PTGER4: variants seen among roughly 807,000 people sequenced by gnomAD.
The protein encoded by PTGER4 is prostaglandin E2 receptor EP4 subtype.
A neutral mutation model predicts 33.2 loss-of-function variants in PTGER4; 11 were observed. The ratio of observed to expected loss-of-function variants is 0.33; its 90% CI spans 0.21 to 0.55. PTGER4 has a LOEUF of 0.55. Among genes scored for constraint, PTGER4 ranks in the 20% least tolerant of loss-of-function variants. PTGER4 has a pLI of 0.92. For synonymous variants in PTGER4, 275 were observed against 281.5 expected, an observed-to-expected ratio of 0.98 and a Z score of 0.23; for missense variants, 481 against 650.2, an observed-to-expected ratio of 0.74 and a Z score of 2.83.
rs544146443 is a variant in PTGER4 at position 40,681,572 on chromosome 5, C to T, written c.579C>T (p.Ser193=). 9.3e-6 allele frequency: 15 copies of T among 1,610,758 alleles called. No individual in the cohort carries two copies. In the East Asian group the frequency reaches 1.6e-4, roughly 17 times the overall value. The change falls in exon 2 of 3, where the codon TCC becomes TCT. Residue 193 remains serine (S), a synonymous_variant. Coordinates refer to ENST00000302472, the MANE Select transcript of PTGER4 (RefSeq NM_000958.3). This position sits in a 1 kb window ranked among gnomAD's most constrained non-coding sequence, Gnocchi z 9.8. ...AYSYMYAGFS[S]FLILATVLCN... is the part of the protein sequence containing the mutation. ...CCTACATGTACGCGGGCTTCAGCTC[C>T]TTCCTCATTCTCGCCACCGTCCTCT...
the PTGER4 span, among the ~76,000 whole-genome samples, chr5:40,741,328 A>C: frequency 6.6e-6 from 1 of 152,200 alleles, no homozygotes; most frequent in Non-Finnish European, 1.5e-5. Context: ...CTGTGACTCC[A>C]GTAAATATTT....
At chr5:40,731,650 A>G in the PTGER4 span, among the ~76,000 whole-genome samples, 1 of 152,228 alleles carries the variant, frequency 6.6e-6, no homozygotes. Flanking sequence ...AACTGCCGCC[A>G]TAATTCAATT....
the PTGER4 span, chr5:40,715,651 A>G: frequency 6.6e-6 from 1 of 152,532 alleles, no homozygotes; most frequent in Non-Finnish European, 1.5e-5. Context: ...CCAAATGACA[A>G]CTTTGAATCA....
chr5:40,687,450 C>G (rs1313916495), intron 2 of PTGER4, among the ~76,000 whole-genome samples: 3 of 152,148 alleles, frequency 2.0e-5, no homozygotes, highest in African/African-American at 7.2e-5. Context: ...GCCTGTTGGA[C>G]AAGAATTCCG....
At chr5:40,726,151 A>G in the PTGER4 span, among the ~76,000 whole-genome samples, 1 of 108,186 alleles carries the variant, frequency 9.2e-6, no homozygotes, top group Non-Finnish European at 2.1e-5. Flanking sequence ...TTTTATATAT[A>G]TATATATATA....
chr5:40,689,979 T>G (rs376833916), intron 2 of PTGER4, among the ~76,000 whole-genome samples: 11 of 152,192 alleles, frequency 7.2e-5, no homozygotes, highest in East Asian at 3.8e-4. Context: ...CAGATGAGAT[T>G]TTTATATAAA....
chr5:40,712,644 G>A, the PTGER4 span, among the ~76,000 whole-genome samples: 2 of 152,190 alleles, frequency 1.3e-5, no homozygotes, highest in East Asian at 3.8e-4. Context: ...GCTGGCAAGA[G>A]ACCACAACAT....
chr5:40,688,303 CAG>C (rs1741379261), intron 2 of PTGER4, among the ~76,000 whole-genome samples: 1 of 152,098 alleles, frequency 6.6e-6, no homozygotes, highest in African/African-American at 2.4e-5. Context: ...GAGGTAGTAT[CAG>C]AAACTCTCAA....
chr5:40,740,383 G>A, the PTGER4 span, among the ~76,000 whole-genome samples: 1 of 151,598 alleles, frequency 6.6e-6, no homozygotes, highest in Non-Finnish European at 1.5e-5. Context: ...AAGTTATTTT[G>A]CCTTCATTTC....
At chr5:40,739,570 C>T in the PTGER4 span, among the ~76,000 whole-genome samples, 2 of 152,120 alleles carry the variant, frequency 1.3e-5, no homozygotes, top group Admixed American at 1.3e-4. Context: ...CACTCCCACT[C>T]CCCACACTCT....
the PTGER4 span, among the ~76,000 whole-genome samples, chr5:40,710,964 T>C: frequency 6.6e-6 from 1 of 152,044 alleles, no homozygotes; most frequent in South Asian, 2.1e-4. Flanking sequence ...CATTAGGAGA[T>C]ATACCTAATG....
the PTGER4 span, among the ~76,000 whole-genome samples, chr5:40,710,475 G>C: frequency 2.6e-5 from 4 of 152,190 alleles, no homozygotes; most frequent in Admixed American, 2.6e-4. Context: ...TTACACTGTT[G>C]GTGGGACTGT....
chr5:40,745,640 C>T, the PTGER4 span, among the ~76,000 whole-genome samples: 1 of 151,562 alleles, frequency 6.6e-6, no homozygotes, highest in Non-Finnish European at 1.5e-5. Flanking sequence ...CTTCCTGCCT[C>T]GGCCTCTCAA....
chr5:40,691,267 C>T lies in PTGER4; in HGVS notation c.868-512C>T, dbSNP rs1361677915. ...TGGGATCTCAGCTCACTGCAACCTC[C>T]GCCTCCCAGGTTCAAATGATTCTCC... On this transcript the variant is annotated intron_variant, in intron 2 of 2. Coordinates refer to ENST00000302472, the MANE Select transcript of PTGER4 (RefSeq NM_000958.3). This position sits in a 1 kb window ranked among gnomAD's most constrained non-coding sequence, Gnocchi z 4.2. Among the ~76,000 whole-genome samples, 1 of 152,208 alleles carries T rather than the reference C, an allele frequency of 6.6e-6. No homozygotes were observed. Among genetic ancestry groups the T allele is most frequent in the Non-Finnish European group, 1.5e-5 (1 of 68,034 alleles).
chr5:40,719,587 G>A, the PTGER4 span, among the ~76,000 whole-genome samples: 1 of 152,132 alleles, frequency 6.6e-6, no homozygotes, highest in East Asian at 1.9e-4. Flanking sequence ...TTTGTCATAT[G>A]ATAACTATAT....
downstream of PTGER4, chr5:40,696,637 C>T: frequency 1.0e-6 from 1 of 973,784 alleles, no homozygotes; most frequent in Non-Finnish European, 1.2e-6. Flanking sequence ...TTATCCATTC[C>T]CTTTACCTTG....
At chr5:40,716,627 C>A in the PTGER4 span, 1 of 632,492 alleles carries the variant, frequency 1.6e-6, no homozygotes, top group Non-Finnish European at 2.6e-6. Context: ...TGTACTAGAA[C>A]ACAAAAGATG....
chr5:40,716,919 T>C, the PTGER4 span, among the ~76,000 whole-genome samples: 2 of 152,278 alleles, frequency 1.3e-5, no homozygotes, highest in Admixed American at 6.5e-5. Flanking sequence ...TTTACTACAT[T>C]CTAGGCACTA....
the PTGER4 span, among the ~76,000 whole-genome samples, chr5:40,740,290 T>A: frequency 2.0e-5 from 3 of 151,642 alleles, no homozygotes; most frequent in African/African-American, 4.9e-5. Flanking sequence ...ATGATTTTCC[T>A]TCTATGTAAA....
Sources: allele counts gnomAD v4.1 joint callset (sites outside exome capture counted in the v4.1 genomes callset), GRCh38; gene constraint gnomAD v4.1.1; non-coding constraint Gnocchi (gnomAD v3.1); transcripts MANE v1.5; gene names NCBI Gene and HGNC (gene_info 2026-07-23, HGNC 2026-07-21).